The following LIN54 variants were observed in gnomAD, a reference collection of about 807,000 sequenced individuals.
LIN54 encodes the protein lin-54 DREAM MuvB core complex component, also known as protein lin-54 homolog.
LIN54 carries 9 observed loss-of-function variants against 78.7 expected under a neutral mutation model. The observed-to-expected ratio is 0.11, with a 90% CI of 0.07 to 0.20. The LOEUF (loss-of-function observed/expected upper bound fraction) is 0.20. Ranked by LOEUF, LIN54 falls within the 10% of genes least tolerant of loss-of-function variation. The pLI is 1.00. For synonymous variants in LIN54, 269 were observed against 318.4 expected (o/e 0.84, Z 1.65); for missense variants, 573 against 889.9 (o/e 0.64, Z 4.53).
chr4:82,968,485 T>TC (rs1725402365), intron 4 of LIN54, among the ~76,000 whole-genome samples: 1 of 152,034 alleles, frequency 6.6e-6, no homozygotes, highest in Admixed American at 6.6e-5. Context: ...TCCTAGATTC[T>TC]CCCCCTAAGA....
intron 1 of LIN54, among the ~76,000 whole-genome samples, chr4:83,005,051 T>C (rs116158550): frequency 1.1e-3 from 174 of 152,112 alleles, no homozygotes; most frequent in Non-Finnish European, 1.8e-3. Flanking sequence ...CCCACCACCA[T>C]GCCCGGTTCA....
At chr4:82,982,378 G>A (rs895708908) in intron 2 of LIN54, among the ~76,000 whole-genome samples, 4 of 152,020 alleles carry the variant, frequency 2.6e-5, no homozygotes, top group Non-Finnish European at 5.9e-5. Flanking sequence ...GCAAGTGTGC[G>A]CCACCATGCT....
At chr4:82,958,961 C>CT (rs1724569529) in intron 4 of LIN54, among the ~76,000 whole-genome samples, 1 of 152,310 alleles carries the variant, frequency 6.6e-6, no homozygotes, top group African/African-American at 2.4e-5. Flanking sequence ...CTCAGCCTCC[C>CT]AAAGTGCTGG....
chr4:82,953,716 G>A (rs866306979), intron 4 of LIN54, among the ~76,000 whole-genome samples: 1 of 152,166 alleles, frequency 6.6e-6, no homozygotes, highest in African/African-American at 2.4e-5. Flanking sequence ...GTGAGAGGCC[G>A]AGGTGAGCAG....
chr4:82,952,908 A>G (rs1488033039), intron 4 of LIN54, among the ~76,000 whole-genome samples: 4 of 152,236 alleles, frequency 2.6e-5, no homozygotes, highest in Non-Finnish European at 5.9e-5. Context: ...GAAGTATTAT[A>G]GTCAAAATTA....
chr4:82,977,125 A>G (rs531714292), intron 3 of LIN54, among the ~76,000 whole-genome samples: 4 of 152,334 alleles, frequency 2.6e-5, no homozygotes, highest in South Asian at 4.1e-4. Context: ...ATTGTTTACC[A>G]TACAACCCAT....
rs1240206460 is a variant in LIN54, at chr4:82,927,605, C to T, written c.*497G>A. ...TTCCAGAATCGGCCCTAAAAGGCTG[C>T]TTTTTCTTTAAAAGATAGTCCTTTT... On this transcript the variant is annotated 3_prime_UTR_variant, in exon 13 of 13. Coordinates refer to ENST00000340417, the MANE Select transcript of LIN54 (RefSeq NM_194282.4). 6.5e-6 allele frequency: 1 copy of T among 152,768 alleles called. No homozygotes were observed. Among genetic ancestry groups the T allele is most frequent in the Non-Finnish European group, 1.5e-5 (1 of 68,222 alleles). 9.5% of individuals were successfully genotyped at this position (152,768 alleles called of 1,614,324 possible).
chr4:82,956,869 C>A (rs1391380988), intron 4 of LIN54, among the ~76,000 whole-genome samples: 1 of 152,072 alleles, frequency 6.6e-6, no homozygotes, highest in East Asian at 1.9e-4. Flanking sequence ...GTGATTCTCC[C>A]ACCTCAGTCT....
intron 4 of LIN54, among the ~76,000 whole-genome samples, chr4:82,957,527 G>C (rs1724428460): frequency 6.6e-6 from 1 of 152,088 alleles, no homozygotes; most frequent in African/African-American, 2.4e-5. Flanking sequence ...TCCCTCCAAA[G>C]CATTTCCAAT....
At chr4:82,985,758 C>T (rs1415678396) in intron 1 of LIN54, among the ~76,000 whole-genome samples, 1 of 152,206 alleles carries the variant, frequency 6.6e-6, no homozygotes, top group African/African-American at 2.4e-5. Context: ...CCAGGCTGGT[C>T]TCGAACTCCT....
At position 83,010,157 on chromosome 4, in the gene LIN54, C is replaced by G; in HGVS notation, c.-33+327G>C. On this transcript the variant is annotated intron_variant, in intron 1 of 12. Transcript: ENST00000340417. Reference sequence around the variant, plus strand: ...AGATAAAATGCCAATGCTCTGCCTCCCTAAAGAAACGTACAACCCCAAGAA... The same window carrying G: ...AGATAAAATGCCAATGCTCTGCCTCGCTAAAGAAACGTACAACCCCAAGAA... Among the ~76,000 whole-genome samples the G allele has an allele frequency of 1.3e-5, 2 of 152,126 alleles. 1 individual carries two copies.
At chr4:83,006,448 C>CAAAA (rs1186424720) in intron 1 of LIN54, among the ~76,000 whole-genome samples, 1 of 60,058 alleles carries the variant, frequency 1.7e-5, no homozygotes, top group Non-Finnish European at 3.4e-5. Context: ...GACTCCGTCT[C>CAAAA]AAAAAAAAAA....
chr4:82,939,397 G>A (rs1722651341), intron 7 of LIN54, 142 bp downstream of exon 7: 1 of 711,710 alleles, frequency 1.4e-6, no homozygotes, highest in South Asian at 1.7e-5. Context: ...AAACTTAAAG[G>A]TTTGGGTTAA....
At chr4:82,972,948 T>TAA (rs35025108) in intron 3 of LIN54, among the ~76,000 whole-genome samples, 13 of 59,340 alleles carry the variant, frequency 2.2e-4, no homozygotes, top group East Asian at 5.2e-4. Flanking sequence ...AGAATCCCTC[T>TAA]AAAAAAAAAA....
chr4:82,943,224 T>A lies in LIN54; in HGVS notation c.1168+3034A>T, dbSNP rs1203297480. On this transcript the variant is annotated intron_variant, in intron 5 of 12. Transcript: ENST00000340417. ...GCCTCCTTCCAAACTTCAGAAACCA[T>A]ACCTGCAAGTGTTTGAGGCTTTTTA... 3.3e-5 allele frequency among the ~76,000 whole-genome samples: 5 copies of A among 152,264 alleles called. No individual in the cohort carries two copies. In the East Asian group the frequency reaches 9.6e-4, roughly 29 times the overall value.
intron 1 of LIN54, among the ~76,000 whole-genome samples, chr4:83,000,827 C>CTTTTTTTCATTTTTT: frequency 8.3e-6 from 1 of 120,536 alleles, no homozygotes; most frequent in Middle Eastern, 5.1e-3. Flanking sequence ...GCAATAAATT[C>CTTTTTTTCATTTTTT]TTTTTTTTTT....
At position 82,934,181 on chromosome 4, in the gene LIN54, C is replaced by T. The variant is rs1303882015; in HGVS notation, c.1845+1800G>A. ...ACATTTTGGGAGGCTGATGGGTGGG[C>T]GGATCACTTGAGTTTGAGAGCAACC... On this transcript the variant is annotated intron_variant, in intron 11 of 12. Coordinates refer to ENST00000340417, the MANE Select transcript of LIN54 (RefSeq NM_194282.4). Among the ~76,000 whole-genome samples the T allele has an allele frequency of 2.0e-5, 3 of 152,002 alleles. No homozygotes were observed. In the South Asian group the frequency reaches 6.2e-4, roughly 32 times the overall value.
At chr4:82,944,326 C>G (rs1232331003) in intron 5 of LIN54, among the ~76,000 whole-genome samples, 2 of 152,122 alleles carry the variant, frequency 1.3e-5, no homozygotes, top group African/African-American at 4.8e-5. Context: ...CGCATACAAA[C>G]ACACACATAA....
intron 3 of LIN54, among the ~76,000 whole-genome samples, chr4:82,974,715 C>T (rs148800083): frequency 5.3e-5 from 8 of 152,082 alleles, no homozygotes; most frequent in Non-Finnish European, 8.8e-5. Context: ...CCAACCTGGG[C>T]GACAGACTGA....
Sources: allele counts gnomAD v4.1 joint callset (sites outside exome capture counted in the v4.1 genomes callset), GRCh38; gene constraint gnomAD v4.1.1; transcripts MANE v1.5; gene names NCBI Gene and HGNC (gene_info 2026-07-23, HGNC 2026-07-21).